The following FRMPD4 variants were observed in gnomAD, a reference collection of about 807,000 sequenced individuals.
FRMPD4 encodes FERM and PDZ domain containing 4, also known as FERM and PDZ domain-containing protein 4.
FRMPD4 carries 22 observed loss-of-function variants against 94.1 expected under a neutral mutation model. The observed-to-expected ratio is 0.23, with a 90% CI of 0.17 to 0.33. FRMPD4 has a LOEUF of 0.33. Among genes scored for constraint, FRMPD4 ranks in the 10% least tolerant of loss-of-function variants. The pLI, the probability that FRMPD4 is intolerant of heterozygous loss-of-function variation, is 1.00. For missense variants in FRMPD4, 1,111 were observed against 1,339.9 expected (o/e 0.83, Z 2.67); for synonymous variants, 631 against 548.6 (o/e 1.15, Z -2.10).
intron 1 of FRMPD4, among the ~76,000 whole-genome samples, chrX:12,251,476 G>A (rs1313763467): frequency 9.0e-6 from 1 of 111,592 alleles, no homozygotes; most frequent in African/African-American, 3.3e-5. Context: ...CATGGAGGCC[G>A]AAATCCTTTG....
chrX:11,905,424 T>C (rs1412020123), intron 3 of FRMPD4, among the ~76,000 whole-genome samples: 3 of 112,053 alleles, frequency 2.7e-5, no homozygotes, highest in African/African-American at 9.7e-5. Flanking sequence ...ATTCCCTATC[T>C]TCTTTTATTT....
chrX:11,881,352 T>C (rs867874122), intron 3 of FRMPD4, among the ~76,000 whole-genome samples: 8 of 112,398 alleles, frequency 7.1e-5, no homozygotes, highest in African/African-American at 2.6e-4. Context: ...TTCTCATGAA[T>C]GTTTACAGCA....
chrX:12,409,723 T>G (rs1412246204), intron 1 of FRMPD4, among the ~76,000 whole-genome samples: 1 of 112,310 alleles, frequency 8.9e-6, no homozygotes, highest in African/African-American at 3.2e-5. Context: ...CAGTTAAAAC[T>G]AATGAGTTTT....
chrX:12,003,543 T>A (rs986048385), intron 3 of FRMPD4, among the ~76,000 whole-genome samples: 12 of 111,647 alleles, frequency 1.1e-4, no homozygotes, highest in Non-Finnish European at 7.5e-5. Context: ...GTAGCTGGGA[T>A]TACAGGCATG....
chrX:12,706,395 T>C (rs929040202), intron 11 of FRMPD4, among the ~76,000 whole-genome samples: 70 of 111,746 alleles, frequency 6.3e-4, no homozygotes, highest in African/African-American at 2.1e-3. Context: ...TCAAAATGAT[T>C]CCCACAAAGT....
intron 1 of FRMPD4, among the ~76,000 whole-genome samples, chrX:12,360,826 T>G (rs1206106950): frequency 9.0e-6 from 1 of 111,456 alleles, no homozygotes; most frequent in Admixed American, 9.6e-5. Context: ...GTTCAAACAA[T>G]GTAGTTTTCT....
chrX:12,547,298 C>T (rs1213629639), intron 2 of FRMPD4, among the ~76,000 whole-genome samples: 5 of 111,058 alleles, frequency 4.5e-5, no homozygotes, highest in Non-Finnish European at 9.4e-5. Flanking sequence ...CAATTCAAAC[C>T]CACACAGTCT....
At chrX:12,446,962 T>G (rs2057204287) in intron 1 of FRMPD4, among the ~76,000 whole-genome samples, 1 of 111,300 alleles carries the variant, frequency 9.0e-6, no homozygotes, top group African/African-American at 3.3e-5. Flanking sequence ...TGGGCAATCT[T>G]GCATAGCAAA....
chrX:12,048,055 A>C (rs1053975380), intron 3 of FRMPD4, among the ~76,000 whole-genome samples: 1 of 112,605 alleles, frequency 8.9e-6, no homozygotes, highest in Middle Eastern at 4.2e-3. Flanking sequence ...TTCTGTTTTA[A>C]GTTCTTTGAG....
chrX:12,403,804 C>A (rs987539480), intron 1 of FRMPD4, among the ~76,000 whole-genome samples: 3 of 111,254 alleles, frequency 2.7e-5, no homozygotes, highest in Non-Finnish European at 5.7e-5. Flanking sequence ...CTGAGAGCTT[C>A]AAGCTCCTCC....
chrX:12,617,728 TTC>T (rs1227254569), intron 4 of FRMPD4, among the ~76,000 whole-genome samples: 1 of 111,773 alleles, frequency 8.9e-6, no homozygotes, highest in Non-Finnish European at 1.9e-5. Flanking sequence ...CACTGTAAAA[TTC>T]TCTCTTTAAA....
At chrX:12,463,046 A>G (rs1454490802) in intron 1 of FRMPD4, among the ~76,000 whole-genome samples, 1 of 112,206 alleles carries the variant, frequency 8.9e-6, no homozygotes, top group Non-Finnish European at 1.9e-5. Flanking sequence ...AGAGCAGTAT[A>G]TATTTTTCCT....
At chrX:12,062,808 G>A (rs1331459419) in intron 3 of FRMPD4, among the ~76,000 whole-genome samples, 1 of 111,572 alleles carries the variant, frequency 9.0e-6, no homozygotes, top group Non-Finnish European at 1.9e-5. Flanking sequence ...AGTTTTGTTA[G>A]TTTTACTGAT....
rs1203625112 is a variant in FRMPD4 at position 12,721,786 on chromosome X, G to A, written c.5217G>A (p.Ala1739=). ...GGGACCCTAATGTTGGACTCTCGGC[G>A]CGACACTCAACCACCATGGCCGCTC... ...NPGDPNVGLS[A]RHSTTMAALV... The change falls in exon 17 of 17, where the codon GCG becomes GCA. Residue 1739 remains alanine (A), a synonymous_variant. Coordinates refer to ENST00000675598, the MANE Select transcript of FRMPD4 (RefSeq NM_001368397.1). 6.7e-6 allele frequency: 5 copies of A among 750,978 alleles called. No homozygotes were observed. The allele number at this position is 750,978 out of a possible 1,213,427, so 61.9% of individuals were successfully genotyped here.
chrX:12,537,454 CCTTTTT>C (rs2058351791), intron 2 of FRMPD4, among the ~76,000 whole-genome samples: 1 of 88,050 alleles, frequency 1.1e-5, no homozygotes. Flanking sequence ...TTTTTTTTTT[CCTTTTT>C]TTTTTTTTTT....
chrX:12,520,581 G>T (rs1408600557), intron 2 of FRMPD4, among the ~76,000 whole-genome samples: 1 of 111,501 alleles, frequency 9.0e-6, no homozygotes, highest in Non-Finnish European at 1.9e-5. Context: ...GTTTAAAGAA[G>T]GTCCCAGAGG....
At chrX:12,699,966 G>A in intron 9 of FRMPD4, among the ~76,000 whole-genome samples, 1 of 112,155 alleles carries the variant, frequency 8.9e-6, no homozygotes, top group East Asian at 2.8e-4. Context: ...TCTGGGTGTG[G>A]GGCAGGACCC....
intron 1 of FRMPD4, among the ~76,000 whole-genome samples, chrX:12,451,925 CTCTTTTCTAA>C (rs2057277248): frequency 1.8e-5 from 2 of 110,990 alleles, no homozygotes; most frequent in African/African-American, 3.3e-5. Context: ...TCTATTCTTT[CTCTTTTCTAA>C]TCTTTTCCCG....
chrX:12,511,186 C>T, intron 2 of FRMPD4, among the ~76,000 whole-genome samples: 1 of 111,412 alleles, frequency 9.0e-6, no homozygotes, highest in Middle Eastern at 4.6e-3. Context: ...GTGGTTGTTT[C>T]TCAAATGCCC....
Sources: gnomAD v4.1 joint callset for allele counts (sites outside exome capture counted in the v4.1 genomes callset) on GRCh38, gnomAD v4.1.1 for gene constraint, MANE v1.5 for transcripts, NCBI Gene and HGNC (gene_info 2026-07-23, HGNC 2026-07-21) for gene names.